HKDC1: variants seen among roughly 807,000 people sequenced by gnomAD.
The protein encoded by HKDC1 is hexokinase HKDC1.
A neutral mutation model predicts 96.6 loss-of-function variants in HKDC1; 66 were observed. The observed-to-expected ratio is 0.68, with a 90% CI of 0.56 to 0.84. The LOEUF (loss-of-function observed/expected upper bound fraction) is 0.84. HKDC1 is among the 40% of genes least tolerant of loss of function. HKDC1 has a pLI of 0.00. For synonymous variants in HKDC1, 466 were observed against 473.1 expected (o/e 0.98, Z 0.20); for missense variants, 1,211 against 1,208.1 (o/e 1.00, Z -0.04).
chr10:69,259,064 T>C, intron 15 of HKDC1, 105 bp downstream of exon 15: 1 of 873,458 alleles, frequency 1.1e-6, no homozygotes, highest in Non-Finnish European at 1.6e-6. Context: ...TTATTACAGC[T>C]GTCGAATGTC....
chr10:69,227,147 G>A (rs1843170883), intron 1 of HKDC1, 60 bp from the exon 2 acceptor site: 6 of 1,587,156 alleles, frequency 3.8e-6, no homozygotes, highest in South Asian at 2.2e-5. Flanking sequence ...GGGGGTTACA[G>A]CCTCGACTGG....
At chr10:69,250,677 G>C (rs1025156780) in intron 12 of HKDC1, 25 bp downstream of exon 12, 1 of 1,611,054 alleles carries the variant, frequency 6.2e-7, no homozygotes, top group Non-Finnish European at 8.5e-7. Flanking sequence ...CCAGGCTCAC[G>C]GCCAGCCCAG....
At chr10:69,245,746 A>G (rs1843530851) in intron 7 of HKDC1, among the ~76,000 whole-genome samples, 1 of 152,204 alleles carries the variant, frequency 6.6e-6, no homozygotes, top group Non-Finnish European at 1.5e-5. Context: ...TCTCACAAGC[A>G]CAGCATCTTT....
At chr10:69,257,153 C>G in intron 13 of HKDC1, 22 bp downstream of exon 13, 1 of 1,596,912 alleles carries the variant, frequency 6.3e-7, no homozygotes. Flanking sequence ...TGTTGAGGCT[C>G]ATGCCTGCTC....
At chr10:69,240,016 C>T (rs1490051433) in intron 5 of HKDC1, among the ~76,000 whole-genome samples, 1 of 152,188 alleles carries the variant, frequency 6.6e-6, no homozygotes, top group Non-Finnish European at 1.5e-5. Flanking sequence ...AGGAAGTCAC[C>T]ATGCCATACA....
Position 69,248,646 on chromosome 10 carries a change from G to C in HKDC1, c.1488G>C (p.Glu496Asp). The change falls in exon 10 of 18, where the codon GAG becomes GAC. Residue 496 changes from glutamate (E) to aspartate (D), a missense_variant. Physicochemically the swap from Glu to Asp is conservative, Grantham distance 45 (BLOSUM62 2). Transcript: ENST00000354624. Reference protein sequence around the residue: ...DVQAKMRAELEYGLKKKSHGL... With the variant: ...DVQAKMRAELDYGLKKKSHGL... ...AGGCCAAGATGCGGGCTGAGCTGGA[G>C]TATGGGCTGAAGAAGAAGAGCCACG... The C allele has an allele frequency of 6.2e-7, 1 of 1,614,230 alleles. No homozygotes were observed.
At chr10:69,255,628 A>G (rs1368820426) in intron 12 of HKDC1, among the ~76,000 whole-genome samples, 1 of 152,122 alleles carries the variant, frequency 6.6e-6, no homozygotes, top group African/African-American at 2.4e-5. Context: ...TAAAAATACT[A>G]CTTTCGGGCT....
chr10:69,265,810 G>C lies in HKDC1; in HGVS notation c.2598G>C (p.Leu866=). 2 of 1,605,920 alleles carry C rather than the reference G, an allele frequency of 1.2e-6. No individual in the cohort carries two copies. Among genetic ancestry groups the C allele is most frequent in the Non-Finnish European group, 8.5e-7 (1 of 1,175,176 alleles). The change falls in exon 17 of 18, where the codon CTG becomes CTC. Residue 866 remains leucine, a synonymous_variant. Transcript: ENST00000354624. ...GTGTGGACGGCACCCTGTACAAGCT[G>C]CACCCTCAGTGAGTGCCCACAAGAG... is the stretch of plus-strand genomic sequence containing the variant. The part of the protein sequence containing the change: ...TVGVDGTLYK[L]HPHFSRILQE...
chr10:69,223,207 G>A (rs978865108), intron 1 of HKDC1: 9 of 152,202 alleles, frequency 5.9e-5, no homozygotes, highest in African/African-American at 2.2e-4. Flanking sequence ...GAGGTTTTCA[G>A]TGTGTATTTT....
rs4745978 is a variant in HKDC1 at position 69,250,270 on chromosome 10, T to C, written c.1571-20T>C. ...ACAAGTCCCTGTCATGGAATGCAGCTGCTGCTTTCTCCATCACAGAGAAAG... is the reference window on the plus strand; with the variant it reads ...ACAAGTCCCTGTCATGGAATGCAGCCGCTGCTTTCTCCATCACAGAGAAAG... On this transcript the variant is annotated intron_variant, in intron 10 of 17. Coordinates refer to ENST00000354624, the MANE Select transcript of HKDC1 (RefSeq NM_025130.4). 1 allele frequency: 1,602,366 copies of C among 1,606,342 alleles called. 799,240 individuals are homozygous for C. The highest frequency in any genetic ancestry group is 1 in the Non-Finnish European group (1,175,546 of 1,175,848).
chr10:69,256,382 T>G (rs560460375), intron 12 of HKDC1, among the ~76,000 whole-genome samples: 2 of 152,376 alleles, frequency 1.3e-5, no homozygotes, highest in Non-Finnish European at 2.9e-5. Context: ...TTGCCTTTGA[T>G]CACATTGTAA....
intron 5 of HKDC1, among the ~76,000 whole-genome samples, chr10:69,239,725 T>C (rs1470953547): frequency 1.3e-5 from 2 of 152,056 alleles, no homozygotes; most frequent in African/African-American, 2.4e-5. Flanking sequence ...TGGGATCTTA[T>C]TGTTTTATAG....
intron 15 of HKDC1, among the ~76,000 whole-genome samples, chr10:69,259,694 C>T (rs1410374319): frequency 6.6e-6 from 1 of 152,114 alleles, no homozygotes; most frequent in Non-Finnish European, 1.5e-5. Flanking sequence ...GGAAACTTAC[C>T]ATAATGGCAG....
intron 6 of HKDC1, 59 bp downstream of exon 6, chr10:69,240,810 A>C: frequency 7.7e-7 from 1 of 1,304,226 alleles, no homozygotes; most frequent in East Asian, 2.3e-5. Flanking sequence ...TGGGAGTTTC[A>C]TTTCAGCGAG....
rs577858300 is a variant in HKDC1 at position 69,228,076 on chromosome 10, C to T, written c.226+707C>T. On this transcript the variant is annotated intron_variant, in intron 2 of 17. Coordinates refer to ENST00000354624, the MANE Select transcript of HKDC1 (RefSeq NM_025130.4). ...TATATTCTCTGACAGTTCTGGTGGA[C>T]GGAAGTTTGCAGTGGGTCTCACTGG... 5.3e-5 allele frequency among the ~76,000 whole-genome samples: 8 copies of T among 152,252 alleles called. No homozygotes were observed. In the South Asian group the frequency reaches 8.3e-4, roughly 16 times the overall value.
In HKDC1 at chr10:69,247,620, C is replaced by G. The variant is rs368897539; in HGVS notation, c.1265+27C>G. On this transcript the variant is annotated intron_variant, in intron 9 of 17. Coordinates refer to ENST00000354624, the MANE Select transcript of HKDC1 (RefSeq NM_025130.4). ...TGAGTGCTGCCTGCCATCCACGCCC[C>G]CACAAATGAGTCTCCCTGGAGCAGG... The G allele has an allele frequency of 1.6e-5, 25 of 1,578,686 alleles. No homozygotes were observed. The African/African-American group carries it at 3.0e-4, about 19-fold the overall frequency.
chr10:69,227,226 A>C lies in HKDC1; in HGVS notation c.83A>C (p.His28Pro). ...TTCCAGGTGGACAGGTTCCTGTATCACATGCGGCTCTCCGATGACACCCTT... is the reference window on the plus strand; with the variant it reads ...TTCCAGGTGGACAGGTTCCTGTATCCCATGCGGCTCTCCGATGACACCCTT... ...QIKKVDRFLY[H>P]MRLSDDTLLD... The change falls in exon 2 of 18, where the codon CAC (histidine) becomes CCC (proline). Residue 28 changes from histidine (H) to proline (P), a missense_variant. Transcript: ENST00000354624. The C allele has an allele frequency of 6.2e-7, 1 of 1,614,144 alleles. No individual in the cohort carries two copies. Among genetic ancestry groups the C allele is most frequent in the Non-Finnish European group, 8.5e-7 (1 of 1,180,014 alleles).
intron 2 of HKDC1, 34 bp downstream of exon 2, chr10:69,227,403 C>A: frequency 6.2e-7 from 1 of 1,612,668 alleles, no homozygotes; most frequent in Non-Finnish European, 8.5e-7. Context: ...GGGTCCCTGG[C>A]TCCTCTTGGC....
In HKDC1 at chr10:69,244,203, T is replaced by C. The variant is rs75407695; in HGVS notation, c.875+838T>C. Among the ~76,000 whole-genome samples the C allele has an allele frequency of 9.6e-3, 1,466 of 152,304 alleles. 18 individuals carry two copies. Among genetic ancestry groups the C allele is most frequent in the African/African-American group, 0.034 (1,412 of 41,560 alleles). On this transcript the variant is annotated intron_variant, in intron 7 of 17. Transcript: ENST00000354624. ...AGGAAGCCTCTGAAGCTGCCTCCTG[T>C]GTCCTTTTGACATGTTCCATCACTC...
Sources: gnomAD v4.1 joint callset for allele counts (sites outside exome capture counted in the v4.1 genomes callset) on GRCh38, gnomAD v4.1.1 for gene constraint, MANE v1.5 for transcripts, NCBI Gene and HGNC (gene_info 2026-07-23, HGNC 2026-07-21) for gene names.